ARB2A: variants seen among roughly 807,000 people sequenced by gnomAD.
ARB2A encodes the protein cotranscriptional regulator ARB2A.
chr5:93,848,099 A>G, the ARB2A span, among the ~76,000 whole-genome samples: 1 of 152,220 alleles, frequency 6.6e-6, no homozygotes, highest in African/African-American at 2.4e-5. Context: ...AAAAAGAGAG[A>G]TGGTGCCAGG....
the ARB2A span, among the ~76,000 whole-genome samples, chr5:93,922,122 C>T: frequency 6.6e-6 from 1 of 152,154 alleles, no homozygotes; most frequent in East Asian, 1.9e-4. Flanking sequence ...AAAGATTACA[C>T]CAATGAAGAT....
chr5:94,005,366 A>G, the ARB2A span, among the ~76,000 whole-genome samples: 10 of 152,032 alleles, frequency 6.6e-5, no homozygotes, highest in African/African-American at 2.2e-4. Context: ...ACCAGGCCCA[A>G]CTAATTTTCT....
At chr5:94,042,774 G>C in the ARB2A span, among the ~76,000 whole-genome samples, 1 of 152,018 alleles carries the variant, frequency 6.6e-6, no homozygotes, top group Non-Finnish European at 1.5e-5. Context: ...GGCTTATATG[G>C]TATAAAAGTC....
chr5:94,093,886 A>T, the ARB2A span, among the ~76,000 whole-genome samples: 1 of 152,198 alleles, frequency 6.6e-6, no homozygotes, highest in Admixed American at 6.5e-5. Context: ...GGGACAGGCA[A>T]ACAATAGACA....
the ARB2A span, chr5:93,862,314 C>G: frequency 6.6e-6 from 1 of 152,196 alleles, no homozygotes; most frequent in Admixed American, 6.5e-5. Context: ...CCCTGAAAGT[C>G]TTAACCAGGT....
chr5:94,018,289 T>G, the ARB2A span, among the ~76,000 whole-genome samples: 1 of 152,210 alleles, frequency 6.6e-6, no homozygotes, highest in Non-Finnish European at 1.5e-5. Context: ...ACTCAGTGAC[T>G]GATCTTACAA....
the ARB2A span, among the ~76,000 whole-genome samples, chr5:93,622,125 C>T: frequency 1.3e-5 from 2 of 152,090 alleles, no homozygotes; most frequent in Non-Finnish European, 2.9e-5. Context: ...TTTTGACTCC[C>T]TGTGATGGCT....
chr5:94,027,696 G>A, the ARB2A span, among the ~76,000 whole-genome samples: 1 of 152,134 alleles, frequency 6.6e-6, no homozygotes, highest in Non-Finnish European at 1.5e-5. Context: ...TTCTTAATCT[G>A]GCTGTTTATT....
chr5:93,757,606 A>G, the ARB2A span, among the ~76,000 whole-genome samples: 1 of 152,182 alleles, frequency 6.6e-6, no homozygotes, highest in Non-Finnish European at 1.5e-5. Flanking sequence ...ATTATCAGCC[A>G]AGAATTTTGT....
chr5:93,942,417 T>C, the ARB2A span, among the ~76,000 whole-genome samples: 1 of 152,084 alleles, frequency 6.6e-6, no homozygotes, highest in African/African-American at 2.4e-5. Flanking sequence ...GATCTTGGTT[T>C]CAACTTATAA....
At chr5:93,762,011 C>T in the ARB2A span, among the ~76,000 whole-genome samples, 1 of 152,144 alleles carries the variant, frequency 6.6e-6, no homozygotes, top group South Asian at 2.1e-4. Flanking sequence ...AGAAGGAAAA[C>T]TAACAAACAG....
the ARB2A span, among the ~76,000 whole-genome samples, chr5:94,017,975 T>G: frequency 1.6e-4 from 25 of 152,332 alleles, no homozygotes; most frequent in East Asian, 4.8e-3. Flanking sequence ...GATGGGTTTA[T>G]CAGAGGTTTC....
the ARB2A span, among the ~76,000 whole-genome samples, chr5:93,700,249 G>C: frequency 1.3e-5 from 2 of 151,950 alleles, no homozygotes; most frequent in Non-Finnish European, 2.9e-5. Context: ...GTACAACTTG[G>C]TTATTTTCAG....
chr5:93,718,390 G>A, the ARB2A span, among the ~76,000 whole-genome samples: 1 of 152,006 alleles, frequency 6.6e-6, no homozygotes, highest in South Asian at 2.1e-4. Flanking sequence ...AGTGAGCCGA[G>A]ATTGTGCCAC....
the ARB2A span, chr5:93,804,844 A>G: frequency 9.4e-6 from 7 of 742,502 alleles, no homozygotes; most frequent in South Asian, 2.5e-4. Flanking sequence ...GATTATTTTG[A>G]AAAATTTGAA....
the ARB2A span, among the ~76,000 whole-genome samples, chr5:94,099,171 C>CA: frequency 7.9e-5 from 12 of 151,740 alleles, no homozygotes; most frequent in African/African-American, 2.7e-4. Context: ...AGAGAAACAG[C>CA]AAAAAAAGAA....
chr5:93,925,579 C>T, the ARB2A span, among the ~76,000 whole-genome samples: 1 of 152,182 alleles, frequency 6.6e-6, no homozygotes, highest in Non-Finnish European at 1.5e-5. Context: ...AAGATTTCCT[C>T]ATAATACTCA....
At chr5:93,622,587 T>C in the ARB2A span, among the ~76,000 whole-genome samples, 2 of 152,306 alleles carry the variant, frequency 1.3e-5, no homozygotes, top group East Asian at 1.9e-4. Context: ...AGAGAACCCC[T>C]CTCTCTTTAT....
At chr5:93,797,142 G>A in the ARB2A span, among the ~76,000 whole-genome samples, 2 of 152,158 alleles carry the variant, frequency 1.3e-5, no homozygotes, top group Non-Finnish European at 2.9e-5. Context: ...CTAACAGGAA[G>A]AGGAAAACTC....
Sources: gnomAD v4.1 joint callset for allele counts (sites outside exome capture counted in the v4.1 genomes callset) on GRCh38, gnomAD v4.1.1 for gene constraint, MANE v1.5 for transcripts, NCBI Gene and HGNC (gene_info 2026-07-23, HGNC 2026-07-21) for gene names.